The following PCDHA4 variants were observed in gnomAD, a reference collection of about 807,000 sequenced individuals.
PCDHA4 encodes protocadherin alpha 4, also known as protocadherin alpha-4.
Under a neutral mutation model 61.4 loss-of-function variants are expected in PCDHA4, and 49 were observed. The ratio of observed to expected loss-of-function variants is 0.80; its 90% CI spans 0.63 to 1.01. The LOEUF (loss-of-function observed/expected upper bound fraction) is 1.01. Among genes scored for constraint, PCDHA4 ranks in the 50% least tolerant of loss-of-function variants. PCDHA4 has a pLI of 0.00. For missense variants in PCDHA4, 1,254 were observed against 1,235.8 expected, an observed-to-expected ratio of 1.01 and a Z score of -0.22; for synonymous variants, 590 against 550.3, an observed-to-expected ratio of 1.07 and a Z score of -1.01.
intron 1 of PCDHA4, chr5:140,827,994 C>G: frequency 6.8e-7 from 1 of 1,473,020 alleles, no homozygotes; most frequent in Non-Finnish European, 9.1e-7. Flanking sequence ...TGAATGATGG[C>G]GGACGCAGAA....
chr5:140,981,744 G>C (rs1586900543), intron 2 of PCDHA4, among the ~76,000 whole-genome samples: 1 of 151,900 alleles, frequency 6.6e-6, no homozygotes, highest in Admixed American at 6.6e-5. Context: ...ATTAATATGA[G>C]TTAGTATTAG....
intron 1 of PCDHA4, among the ~76,000 whole-genome samples, chr5:140,977,969 C>T (rs1554238945): frequency 6.6e-6 from 1 of 152,114 alleles, no homozygotes; most frequent in African/African-American, 2.4e-5. Context: ...AATCTCCGCC[C>T]ATGAAAACGC....
At chr5:140,927,893 A>G (rs1554205201) in intron 1 of PCDHA4, 1 of 1,614,050 alleles carries the variant, frequency 6.2e-7, no homozygotes, top group Non-Finnish European at 8.5e-7. Flanking sequence ...ACTGACGTGA[A>G]CGATCATGCC....
intron 1 of PCDHA4, among the ~76,000 whole-genome samples, chr5:140,821,162 A>T (rs1683784495): frequency 6.6e-6 from 1 of 152,218 alleles, no homozygotes; most frequent in Non-Finnish European, 1.5e-5. Context: ...GAGATAGCAT[A>T]CAAACATTCC....
chr5:140,837,300 A>C (rs78200905), intron 1 of PCDHA4: 1 of 151,976 alleles, frequency 6.6e-6, no homozygotes, highest in Non-Finnish European at 1.5e-5. Flanking sequence ...CTTTGTTGAG[A>C]TGTATTTGCC....
chr5:140,823,383 G>A lies in PCDHA4; in HGVS notation c.2385+13811G>A, dbSNP rs201301158. On this transcript the variant is annotated intron_variant, in intron 1 of 3. Coordinates refer to ENST00000530339, the MANE Select transcript of PCDHA4 (RefSeq NM_018907.4). Reference sequence around the variant, plus strand: ...AGCTGCTGCAGTTCCAGGTGAGCGCGCGCGACGCGGGCGTGCCGCCTCTGG... The same window carrying A: ...AGCTGCTGCAGTTCCAGGTGAGCGCACGCGACGCGGGCGTGCCGCCTCTGG... 8.5e-5 allele frequency: 137 copies of A among 1,612,804 alleles called. 1 individual carries two copies. Among genetic ancestry groups the A allele is most frequent in the East Asian group, 8.9e-5 (4 of 44,864 alleles).
Position 140,871,086 on chromosome 5 carries a change from G to C in PCDHA4, c.2385+61514G>C, listed in dbSNP as rs556097993. The C allele has an allele frequency of 1.9e-6, 3 of 1,613,256 alleles. No individual in the cohort carries two copies. In the South Asian group the frequency reaches 3.3e-5, roughly 18 times the overall value. ...ACGGTGAGCCGGCGCTGACGGCCAC[G>C]GCCACCGTGCTGGTGTCGTTGGTGG... On this transcript the variant is annotated intron_variant, in intron 1 of 3. Coordinates refer to ENST00000530339, the MANE Select transcript of PCDHA4 (RefSeq NM_018907.4).
intron 1 of PCDHA4, chr5:140,926,849 C>A: frequency 6.6e-7 from 1 of 1,517,430 alleles, no homozygotes. Flanking sequence ...CCTGGGTCAC[C>A]GTTGGTGTAG....
At chr5:140,893,066 A>G (rs1221245824) in intron 1 of PCDHA4, among the ~76,000 whole-genome samples, 1 of 152,248 alleles carries the variant, frequency 6.6e-6, no homozygotes, top group Admixed American at 6.5e-5. Flanking sequence ...ACTGCCATGA[A>G]TAACAGGATT....
At chr5:140,879,802 T>A (rs535783687) in intron 1 of PCDHA4, among the ~76,000 whole-genome samples, 1 of 152,330 alleles carries the variant, frequency 6.6e-6, no homozygotes, top group Non-Finnish European at 1.5e-5. Flanking sequence ...TCTTCCAGTT[T>A]CTATTGGCTG....
At chr5:140,828,229 C>A in intron 1 of PCDHA4, 1 of 1,613,968 alleles carries the variant, frequency 6.2e-7, no homozygotes, top group Non-Finnish European at 8.5e-7. Context: ...CCTTCGTGGG[C>A]CGGATCGCGC....
rs2150325342 is a variant in PCDHA4, at chr5:140,841,910, A to T, written c.2385+32338A>T. 3.1e-6 allele frequency: 5 copies of T among 1,613,810 alleles called. No individual in the cohort carries two copies. In the African/African-American group the frequency reaches 6.7e-5, roughly 22 times the overall value. ...GAATAAACTGGTTGAGCTCGTATTA[A>T]GAAAATCCTTGGACAGAGAGGACGC... is the stretch of plus-strand genomic sequence containing the variant. On this transcript the variant is annotated intron_variant, in intron 1 of 3. Coordinates refer to ENST00000530339, the MANE Select transcript of PCDHA4 (RefSeq NM_018907.4).
At chr5:140,860,726 G>T (rs73263824) in intron 1 of PCDHA4, 23,037 of 152,060 alleles carry the variant, frequency 0.15, 1,806 homozygotes, top group Middle Eastern at 0.2. Context: ...AGTTTTTTTG[G>T]TTTTTTTGTT....
chr5:140,823,270 G>A, intron 1 of PCDHA4: 1 of 1,612,658 alleles, frequency 6.2e-7, no homozygotes, highest in Non-Finnish European at 8.5e-7. Flanking sequence ...GCGGCGGGTG[G>A]GCGAGCGCCC....
rs57893927 is a variant in PCDHA4, at chr5:140,946,631, T to TATATATATATATATATATATATAC, written c.2386-32317_2386-32316insTATATATATATATATATATATACA. Among the ~76,000 whole-genome samples the TATATATATATATATATATATATAC allele has an allele frequency of 2.6e-3, 340 of 131,752 alleles. 23 individuals carry two copies. The highest frequency in any genetic ancestry group is 0.011 in the African/African-American group (303 of 28,632). The allele number at this position is 131,752 out of a possible 152,430, so 86.4% of individuals were successfully genotyped here. On this transcript the variant is annotated intron_variant, in intron 1 of 3. Transcript: ENST00000530339. ...TGTGAAATATATATATATATATATA[T>TATATATATATATATATATATATAC]ACAATGGAATACTCATCAGCCATTA...
intron 1 of PCDHA4, among the ~76,000 whole-genome samples, chr5:140,949,545 T>G (rs1173643616): frequency 6.6e-6 from 1 of 151,906 alleles, no homozygotes; most frequent in Non-Finnish European, 1.5e-5. Flanking sequence ...ATCGATTTGT[T>G]GCTGGTCATA....
At chr5:141,001,959 C>T (rs755695273) in intron 3 of PCDHA4, among the ~76,000 whole-genome samples, 8 of 152,098 alleles carry the variant, frequency 5.3e-5, no homozygotes, top group Admixed American at 3.9e-4. Context: ...GAGGGAGAGG[C>T]GGGGTGTCTC....
intron 1 of PCDHA4, chr5:140,856,072 G>A: frequency 6.3e-7 from 1 of 1,592,122 alleles, no homozygotes; most frequent in Non-Finnish European, 8.6e-7. Flanking sequence ...GTAGCTGCCT[G>A]GGGGTCCAGT....
intron 1 of PCDHA4, chr5:140,882,264 G>C: frequency 6.2e-7 from 1 of 1,609,300 alleles, no homozygotes; most frequent in Non-Finnish European, 8.5e-7. Context: ...TTTTTGGAGT[G>C]TACCATGCTG....
Sources: allele counts gnomAD v4.1 joint callset (sites outside exome capture counted in the v4.1 genomes callset), GRCh38; gene constraint gnomAD v4.1.1; transcripts MANE v1.5; gene names NCBI Gene and HGNC (gene_info 2026-07-23, HGNC 2026-07-21).